The following MSRA variants were observed in gnomAD, a reference collection of about 807,000 sequenced individuals.
MSRA encodes the protein methionine sulfoxide reductase A.
MSRA carries 54 observed loss-of-function variants against 31.3 expected under a neutral mutation model. The ratio of observed to expected loss-of-function variants is 1.73; its 90% CI spans 1.39 to 2.17. The LOEUF (loss-of-function observed/expected upper bound fraction) is 2.17. Among genes scored for constraint, MSRA ranks in the 30% most tolerant of loss-of-function variants. The pLI is 0.00. For missense variants in MSRA, 507 were observed against 300.9 expected (o/e 1.69, Z -5.07); for synonymous variants, 169 against 116.5 (o/e 1.45, Z -2.90).
At chr8:10,079,637 C>G (rs1344623361) in intron 1 of MSRA, among the ~76,000 whole-genome samples, 1 of 152,182 alleles carries the variant, frequency 6.6e-6, no homozygotes, top group East Asian at 1.9e-4. Flanking sequence ...GTGTCCCTCC[C>G]CGCACAACAT....
At chr8:10,086,514 A>G (rs368667330) in intron 1 of MSRA, among the ~76,000 whole-genome samples, 9 of 152,176 alleles carry the variant, frequency 5.9e-5, no homozygotes, top group African/African-American at 1.4e-4. Flanking sequence ...TACCCTATAT[A>G]TGAATCTGAT....
intron 1 of MSRA, among the ~76,000 whole-genome samples, chr8:10,118,691 G>A (rs1015321036): frequency 6.6e-6 from 1 of 152,124 alleles, no homozygotes; most frequent in African/African-American, 2.4e-5. Flanking sequence ...GGCACTTTCT[G>A]TTCTCTCCTC....
chr8:10,199,852 G>A (rs1808343211), intron 1 of MSRA, among the ~76,000 whole-genome samples: 1 of 152,094 alleles, frequency 6.6e-6, no homozygotes, highest in Non-Finnish European at 1.5e-5. Flanking sequence ...TAGGATCTGT[G>A]AAATTTATCT....
intron 3 of MSRA, among the ~76,000 whole-genome samples, chr8:10,270,067 G>A (rs1326364755): frequency 1.3e-5 from 2 of 152,138 alleles, no homozygotes; most frequent in African/African-American, 4.8e-5. Context: ...AACAGTGAAG[G>A]AAAAAAGTTT....
intron 1 of MSRA, among the ~76,000 whole-genome samples, chr8:10,073,786 C>G (rs999460116): frequency 6.6e-5 from 10 of 152,076 alleles, no homozygotes; most frequent in Non-Finnish European, 1.3e-4. Flanking sequence ...TGGGGTAGTT[C>G]TAACATGTTC....
intron 1 of MSRA, among the ~76,000 whole-genome samples, chr8:10,113,297 T>TTTTTTTTTTTTTTTTC: frequency 9.5e-6 from 1 of 105,172 alleles, no homozygotes; most frequent in Non-Finnish European, 1.8e-5. Flanking sequence ...GTCTTCTTTT[T>TTTTTTTTTTTTTTTTC]TTTTTTTTTT....
At chr8:10,066,572 T>TA (rs1452909378) in intron 1 of MSRA, among the ~76,000 whole-genome samples, 1 of 152,154 alleles carries the variant, frequency 6.6e-6, no homozygotes, top group Non-Finnish European at 1.5e-5. Context: ...TCACTGTTGT[T>TA]ACCCATGCTG....
chr8:10,404,991 G>A (rs1807712451), intron 5 of MSRA, among the ~76,000 whole-genome samples: 2 of 152,202 alleles, frequency 1.3e-5, no homozygotes, highest in Admixed American at 1.3e-4. Context: ...ACAGTCACAG[G>A]CTCCAGATGT....
intron 1 of MSRA, among the ~76,000 whole-genome samples, chr8:10,203,556 G>A (rs967910192): frequency 3.3e-5 from 5 of 152,162 alleles, no homozygotes; most frequent in African/African-American, 1.2e-4. Context: ...CATTATTCAT[G>A]TATTTTTGGT....
chr8:10,328,027 A>ATTTTTTTTTTTTTTTTTTT (rs35940076), intron 5 of MSRA, among the ~76,000 whole-genome samples: 1 of 65,310 alleles, frequency 1.5e-5, no homozygotes, highest in African/African-American at 7.1e-5. Flanking sequence ...CTCTATGGTA[A>ATTTTTTTTTTTTTTTTTTT]TTTTTTTTTT....
At chr8:10,214,963 G>T (rs1809859226) in intron 2 of MSRA, among the ~76,000 whole-genome samples, 1 of 152,176 alleles carries the variant, frequency 6.6e-6, no homozygotes, top group African/African-American at 2.4e-5. Flanking sequence ...GAAAGCATTG[G>T]CTGGGATGGT....
rs547891071 is a variant in MSRA, at chr8:10,341,076, C to G, written c.543+21087C>G. On this transcript the variant is annotated intron_variant, in intron 5 of 5. Coordinates refer to ENST00000317173, the MANE Select transcript of MSRA (RefSeq NM_012331.5). ...GCTCTGTGGATTCCAGACTCCCACT[C>G]AGACCTACTGAATTAGGGTCCTTAG... Among the ~76,000 whole-genome samples, 582 of 152,292 alleles carry G rather than the reference C, an allele frequency of 3.8e-3. 3 individuals are homozygous for G. Among genetic ancestry groups the G allele is most frequent in the Non-Finnish European group, 6.0e-3 (405 of 68,034 alleles).
chr8:10,387,206 C>T (rs1245514991), intron 5 of MSRA, among the ~76,000 whole-genome samples: 2 of 152,236 alleles, frequency 1.3e-5, no homozygotes, highest in African/African-American at 2.4e-5. Flanking sequence ...CCTCTCTCCA[C>T]CTCCTGAGTA....
intron 1 of MSRA, among the ~76,000 whole-genome samples, chr8:10,130,899 A>G (rs1434364535): frequency 1.3e-5 from 2 of 152,226 alleles, no homozygotes; most frequent in Non-Finnish European, 2.9e-5. Flanking sequence ...TTTAGATGCC[A>G]CAGATGCTAA....
At chr8:10,380,512 T>C (rs1407838454) in intron 5 of MSRA, among the ~76,000 whole-genome samples, 2 of 152,228 alleles carry the variant, frequency 1.3e-5, no homozygotes, top group Non-Finnish European at 2.9e-5. Context: ...GTGGCCTCTT[T>C]TCCTGGGCAG....
chr8:10,160,774 C>A (rs1804570609), intron 1 of MSRA, among the ~76,000 whole-genome samples: 1 of 152,134 alleles, frequency 6.6e-6, no homozygotes, highest in Admixed American at 6.5e-5. Flanking sequence ...GTGATCCACA[C>A]CCCTTGGCCT....
intron 3 of MSRA, chr8:10,250,755 T>C (rs1294703021): frequency 2.3e-6 from 1 of 436,520 alleles, no homozygotes; most frequent in Admixed American, 3.7e-5. Context: ...CAGGTGCTTA[T>C]GTGTCCTGTC....
intron 3 of MSRA, among the ~76,000 whole-genome samples, chr8:10,266,750 T>C (rs1256369396): frequency 6.6e-6 from 1 of 152,212 alleles, no homozygotes; most frequent in Non-Finnish European, 1.5e-5. Context: ...TTTTTATATA[T>C]AGTGCAAGTC....
intron 1 of MSRA, among the ~76,000 whole-genome samples, chr8:10,117,065 G>C (rs1392427172): frequency 6.6e-6 from 1 of 152,154 alleles, no homozygotes; most frequent in Admixed American, 6.5e-5. Flanking sequence ...AAATCCATCT[G>C]CCCAGAGCAA....
Sources: allele counts gnomAD v4.1 joint callset (sites outside exome capture counted in the v4.1 genomes callset), GRCh38; gene constraint gnomAD v4.1.1; transcripts MANE v1.5; gene names NCBI Gene and HGNC (gene_info 2026-07-23, HGNC 2026-07-21).